Variants in MSMB observed in about 807,000 individuals in gnomAD.
MSMB encodes the protein beta-microseminoprotein.
Under a neutral mutation model 10.5 loss-of-function variants are expected in MSMB, and 10 were observed. That is an observed-to-expected ratio of 0.95 (90% CI 0.59 to 1.62). MSMB has a LOEUF of 1.62. MSMB is among the 40% of genes most tolerant of loss of function. The pLI is 0.00. For missense variants in MSMB, 126 were observed against 137.4 expected (o/e 0.92, Z 0.42); for synonymous variants, 43 against 46.5 (o/e 0.93, Z 0.30).
chr10:46,041,946 G>A (rs1418273588), intron 1 of MSMB, among the ~76,000 whole-genome samples: 1 of 152,044 alleles, frequency 6.6e-6, no homozygotes, highest in Non-Finnish European at 1.5e-5. Context: ...TGAGATCTGT[G>A]GAGAGCGATT....
At chr10:46,037,980 A>G (rs1378811137) in intron 3 of MSMB, among the ~76,000 whole-genome samples, 21 of 152,190 alleles carry the variant, frequency 1.4e-4, no homozygotes, top group African/African-American at 4.8e-4. Flanking sequence ...ACACAGATGA[A>G]CCATGAGGAT....
chr10:46,040,640 T>C (rs10159918), intron 1 of MSMB, among the ~76,000 whole-genome samples: 1 of 152,256 alleles, frequency 6.6e-6, no homozygotes. Flanking sequence ...CTGCTTTTTC[T>C]GGCTCTTTTC....
intron 3 of MSMB, among the ~76,000 whole-genome samples, chr10:46,036,140 C>T (rs1554927501): frequency 6.6e-6 from 1 of 152,212 alleles, no homozygotes; most frequent in South Asian, 2.1e-4. Context: ...GCCCTGGGCC[C>T]GGGCAGCGTG....
intron 3 of MSMB, among the ~76,000 whole-genome samples, 167 bp downstream of exon 3, chr10:46,038,799 G>A (rs1479678382): frequency 2.0e-5 from 3 of 152,122 alleles, no homozygotes; most frequent in Non-Finnish European, 4.4e-5. Context: ...GGAAATTTCT[G>A]TACCTCTGCT....
At chr10:46,045,528 G>A (rs1296269655) in intron 1 of MSMB, among the ~76,000 whole-genome samples, 1 of 152,130 alleles carries the variant, frequency 6.6e-6, no homozygotes, top group Non-Finnish European at 1.5e-5. Context: ...GTGAGATCCT[G>A]TCTCAAAAAC....
chr10:46,044,869 G>A (rs1241411873), intron 1 of MSMB, among the ~76,000 whole-genome samples: 3 of 152,134 alleles, frequency 2.0e-5, no homozygotes, highest in South Asian at 2.1e-4. Flanking sequence ...CAGAGGTATT[G>A]CCAGCTCTGC....
Position 46,040,075 on chromosome 10 carries a change from C to G in MSMB, c.20G>C (p.Ser7Thr). The change falls in exon 2 of 4, where the codon AGC (serine) becomes ACC (threonine). Residue 7 changes from serine to threonine, a missense_variant. Coordinates refer to ENST00000582163, the MANE Select transcript of MSMB (RefSeq NM_002443.4). MNVLLG[S>T]VVIFATFVTL... ...CACGAAGGTGGCAAAGATCACAACGCTGCCCAGGAGAACATTCTGTAATGT... is the reference window on the plus strand; with the variant it reads ...CACGAAGGTGGCAAAGATCACAACGGTGCCCAGGAGAACATTCTGTAATGT... 6.2e-7 allele frequency: 1 copy of G among 1,613,764 alleles called. No individual in the cohort carries two copies. Among genetic ancestry groups the G allele is most frequent in the Non-Finnish European group, 8.5e-7 (1 of 1,179,698 alleles).
intron 3 of MSMB, among the ~76,000 whole-genome samples, chr10:46,036,495 A>G (rs1840609025): frequency 6.6e-6 from 1 of 152,244 alleles, no homozygotes; most frequent in African/African-American, 2.4e-5. Flanking sequence ...GGATCACAGG[A>G]CACAGAATTG....
intron 3 of MSMB, among the ~76,000 whole-genome samples, chr10:46,037,310 TG>T (rs1277434313): frequency 6.6e-6 from 1 of 152,218 alleles, no homozygotes; most frequent in Non-Finnish European, 1.5e-5. Flanking sequence ...CAGGTGAGTC[TG>T]TGATCAGACA....
chr10:46,039,867 G>T, intron 2 of MSMB, 119 bp downstream of exon 2: 2 of 734,070 alleles, frequency 2.7e-6, no homozygotes, highest in South Asian at 1.7e-5. Context: ...GGGAGACAGA[G>T]CATGACTATC....
chr10:46,041,580 G>A (rs1840755447), intron 1 of MSMB, among the ~76,000 whole-genome samples: 1 of 152,090 alleles, frequency 6.6e-6, no homozygotes, highest in South Asian at 2.1e-4. Flanking sequence ...CATCGCTTGA[G>A]CTCAGGAGTT....
chr10:46,037,739 G>A (rs1304764958), intron 3 of MSMB, among the ~76,000 whole-genome samples: 1 of 152,166 alleles, frequency 6.6e-6, no homozygotes, highest in Non-Finnish European at 1.5e-5. Flanking sequence ...TGATGACCGG[G>A]CCAATCTCTG....
At chr10:46,045,284 C>G (rs1840867948) in intron 1 of MSMB, among the ~76,000 whole-genome samples, 1 of 152,166 alleles carries the variant, frequency 6.6e-6, no homozygotes, top group Non-Finnish European at 1.5e-5. Context: ...GTAATCCCAC[C>G]ACTTTGGGAG....
intron 1 of MSMB, among the ~76,000 whole-genome samples, chr10:46,041,308 G>A (rs570110058): frequency 1.3e-3 from 176 of 139,256 alleles, no homozygotes; most frequent in Non-Finnish European, 1.8e-3. Flanking sequence ...TTGTGCCACC[G>A]CACTCTAGCC....
rs920138551 is a variant in MSMB, at chr10:46,039,123, G to T, written c.110-52C>A. ...GTGCAAGTCATGCAATGAGAACAAGGCCTATCAGGACATTGAGTCCTGCCC... is the reference window on the plus strand; with the variant it reads ...GTGCAAGTCATGCAATGAGAACAAGTCCTATCAGGACATTGAGTCCTGCCC... On this transcript the variant is annotated intron_variant, in intron 2 of 3. Transcript: ENST00000582163. 7 of 1,513,580 alleles carry T rather than the reference G, an allele frequency of 4.6e-6. No individual in the cohort carries two copies. The Admixed American group carries it at 1.2e-4, about 26-fold the overall frequency. 93.8% of individuals were successfully genotyped at this position (1,513,580 alleles called of 1,614,324 possible).
chr10:46,040,806 T>C (rs1208116746), intron 1 of MSMB, among the ~76,000 whole-genome samples: 6 of 151,932 alleles, frequency 3.9e-5, no homozygotes, highest in Non-Finnish European at 5.9e-5. Flanking sequence ...TACAAAAAAT[T>C]AGCCGGGTGT....
chr10:46,036,578 A>G (rs1840611553), intron 3 of MSMB, among the ~76,000 whole-genome samples: 1 of 152,238 alleles, frequency 6.6e-6, no homozygotes, highest in African/African-American at 2.4e-5. Context: ...TATCATAGCC[A>G]CATAATTATA....
At chr10:46,039,932 G>C in intron 2 of MSMB, 54 bp downstream of exon 2, 1 of 1,307,382 alleles carries the variant, frequency 7.6e-7, no homozygotes, top group Non-Finnish European at 1.1e-6. Context: ...TCTGCAGACA[G>C]GTCCATCTAC....
intron 3 of MSMB, among the ~76,000 whole-genome samples, chr10:46,038,762 T>C (rs918195582): frequency 4.6e-5 from 7 of 152,190 alleles, no homozygotes; most frequent in African/African-American, 1.7e-4. Context: ...GGGGAGGTCG[T>C]GCATGTGTGA....
Sources: gnomAD v4.1 joint callset for allele counts (sites outside exome capture counted in the v4.1 genomes callset) on GRCh38, gnomAD v4.1.1 for gene constraint, MANE v1.5 for transcripts, NCBI Gene and HGNC (gene_info 2026-07-23, HGNC 2026-07-21) for gene names.